CADM2: variants seen among roughly 807,000 people sequenced by gnomAD.
CADM2 encodes the protein cell adhesion molecule 2.
CADM2 carries 12 observed loss-of-function variants against 49.8 expected under a neutral mutation model. The observed-to-expected ratio is 0.24, with a 90% CI of 0.15 to 0.39. CADM2 has a LOEUF of 0.39. CADM2 is among the 10% of genes least tolerant of loss of function. The probability of loss-of-function intolerance (pLI) is 1.00; values close to 1 mark genes in which losing one functional copy is unlikely to be tolerated. For missense variants in CADM2, 378 were observed against 492.3 expected (o/e 0.77, Z 2.20); for synonymous variants, 214 against 175.4 (o/e 1.22, Z -1.74).
intron 1 of CADM2, among the ~76,000 whole-genome samples, chr3:85,035,734 A>C (rs1420910777): frequency 6.6e-6 from 1 of 152,006 alleles, no homozygotes; most frequent in Non-Finnish European, 1.5e-5. Context: ...TTCTCTGTAG[A>C]TGTATGGATT....
chr3:85,073,049 T>C (rs1167247609), intron 1 of CADM2, among the ~76,000 whole-genome samples: 1 of 152,150 alleles, frequency 6.6e-6, no homozygotes, highest in Non-Finnish European at 1.5e-5. Flanking sequence ...ACTTCTTAAG[T>C]CTGATGTAGC....
intron 3 of CADM2, among the ~76,000 whole-genome samples, chr3:85,810,870 T>G (rs2072828400): frequency 6.6e-6 from 1 of 152,150 alleles, no homozygotes. Context: ...TTACTTCTAC[T>G]TTTGCTGAAG....
chr3:85,291,729 A>T (rs1430315476), intron 1 of CADM2, among the ~76,000 whole-genome samples: 1 of 147,724 alleles, frequency 6.8e-6, no homozygotes, highest in Non-Finnish European at 1.5e-5. Context: ...TTTACAGACA[A>T]GCAAATGCTG....
intron 1 of CADM2, among the ~76,000 whole-genome samples, chr3:85,267,462 C>T (rs1352408530): frequency 6.6e-6 from 1 of 151,744 alleles, no homozygotes; most frequent in Admixed American, 6.6e-5. Flanking sequence ...AAATGTCATC[C>T]TCCCAGAGCA....
At chr3:86,064,935 T>G (rs1324526438) in intron 8 of CADM2, among the ~76,000 whole-genome samples, 1 of 152,176 alleles carries the variant, frequency 6.6e-6, no homozygotes, top group Non-Finnish European at 1.5e-5. Flanking sequence ...CAACAGCATT[T>G]AACAGTCTCA....
intron 1 of CADM2, among the ~76,000 whole-genome samples, chr3:85,686,452 T>G (rs942275343): frequency 6.6e-6 from 1 of 152,246 alleles, no homozygotes; most frequent in Non-Finnish European, 1.5e-5. Flanking sequence ...TAGATTTATG[T>G]AATCTCTGAC....
At chr3:85,613,581 A>G (rs573171321) in intron 1 of CADM2, among the ~76,000 whole-genome samples, 1 of 151,752 alleles carries the variant, frequency 6.6e-6, no homozygotes, top group East Asian at 1.9e-4. Flanking sequence ...AGGGTTCACG[A>G]GGCAGAATTT....
intron 1 of CADM2, among the ~76,000 whole-genome samples, chr3:85,297,027 G>T (rs2043981323): frequency 1.3e-5 from 2 of 151,964 alleles, no homozygotes; most frequent in South Asian, 2.1e-4. Context: ...CCCCTCACAG[G>T]ATGCTGCAGT....
chr3:85,953,878 T>A (rs796786508), intron 7 of CADM2, among the ~76,000 whole-genome samples: 32 of 151,040 alleles, frequency 2.1e-4, no homozygotes, highest in African/African-American at 7.7e-4. Context: ...AAGATATAAG[T>A]GTAGAATAGG....
intron 8 of CADM2, among the ~76,000 whole-genome samples, chr3:85,999,801 G>A (rs898171321): frequency 9.9e-5 from 15 of 152,208 alleles, no homozygotes; most frequent in South Asian, 4.1e-4. Context: ...TTTAAAAGTC[G>A]ATGGGACATA....
intron 1 of CADM2, among the ~76,000 whole-genome samples, chr3:85,413,161 A>ATAATAAT (rs1280736211): frequency 9.2e-6 from 1 of 108,526 alleles, no homozygotes; most frequent in African/African-American, 4.1e-5. Context: ...AAAAAAAAAA[A>ATAATAAT]AATAATAATA....
chr3:86,017,060 C>T (rs1360345624), intron 8 of CADM2, among the ~76,000 whole-genome samples: 2 of 151,350 alleles, frequency 1.3e-5, no homozygotes, highest in Non-Finnish European at 2.9e-5. Flanking sequence ...GTGCTTATTG[C>T]TTTAAGCTTT....
At chr3:84,998,688 C>A (rs1181725077) in intron 1 of CADM2, among the ~76,000 whole-genome samples, 1 of 151,976 alleles carries the variant, frequency 6.6e-6, no homozygotes, top group African/African-American at 2.4e-5. Context: ...TTGGTAAGAG[C>A]CTTATAAAAA....
intron 1 of CADM2, among the ~76,000 whole-genome samples, chr3:85,266,821 A>G (rs1232115987): frequency 6.6e-6 from 1 of 151,840 alleles, no homozygotes; most frequent in Non-Finnish European, 1.5e-5. Context: ...GGGAAAGCCA[A>G]CATCAGATCA....
At chr3:85,738,432 G>A (rs1577199106) in intron 2 of CADM2, among the ~76,000 whole-genome samples, 2 of 152,108 alleles carry the variant, frequency 1.3e-5, no homozygotes, top group African/African-American at 4.8e-5. Context: ...TACAAGATAG[G>A]TTTTCAAACT....
chr3:85,959,047 T>TATC (rs1724458958), intron 7 of CADM2, among the ~76,000 whole-genome samples: 1 of 150,832 alleles, frequency 6.6e-6, no homozygotes, highest in African/African-American at 2.4e-5. Flanking sequence ...TATATCTATA[T>TATC]ATCTATATAT....
At chr3:85,613,720 C>A (rs2063733375) in intron 1 of CADM2, among the ~76,000 whole-genome samples, 1 of 151,470 alleles carries the variant, frequency 6.6e-6, no homozygotes, top group African/African-American at 2.4e-5. Context: ...TAACTCAAAA[C>A]TAGTGACTAT....
At chr3:85,925,828 A>T (rs1196184805) in intron 6 of CADM2, among the ~76,000 whole-genome samples, 1 of 152,232 alleles carries the variant, frequency 6.6e-6, no homozygotes, top group African/African-American at 2.4e-5. Flanking sequence ...AGAGATAGAT[A>T]GATAGATAGA....
intron 1 of CADM2, among the ~76,000 whole-genome samples, chr3:85,078,527 G>A (rs180680318): frequency 3.3e-5 from 5 of 151,888 alleles, no homozygotes; most frequent in South Asian, 4.1e-4. Flanking sequence ...CATCATCAAT[G>A]TAAACTTTTA....
Sources: gnomAD v4.1 joint callset for allele counts (sites outside exome capture counted in the v4.1 genomes callset) on GRCh38, gnomAD v4.1.1 for gene constraint, MANE v1.5 for transcripts, NCBI Gene and HGNC (gene_info 2026-07-23, HGNC 2026-07-21) for gene names.